ZNF521: variants seen among roughly 807,000 people sequenced by gnomAD.
The protein encoded by ZNF521 is zinc finger protein 521.
Under a neutral mutation model 105.5 loss-of-function variants are expected in ZNF521, and 14 were observed. That is an observed-to-expected ratio of 0.13 (90% CI 0.09 to 0.21). The LOEUF is 0.21. Ranked by LOEUF, ZNF521 falls within the 10% of genes least tolerant of loss-of-function variation. The probability of loss-of-function intolerance (pLI) is 1.00; values close to 1 mark genes in which losing one functional copy is unlikely to be tolerated. For missense variants in ZNF521, 1,233 were observed against 1,629.7 expected, an observed-to-expected ratio of 0.76 and a Z score of 4.19; for synonymous variants, 635 against 606.0, an observed-to-expected ratio of 1.05 and a Z score of -0.70.
At chr18:25,143,697 AAAC>A (rs1360824981) in intron 5 of ZNF521, among the ~76,000 whole-genome samples, 1 of 152,260 alleles carries the variant, frequency 6.6e-6, no homozygotes, top group African/African-American at 2.4e-5. Context: ...TTTAAAAAAG[AAAC>A]AACGTGTTTT....
intron 7 of ZNF521, among the ~76,000 whole-genome samples, chr18:25,073,802 G>A (rs1363044211): frequency 1.3e-5 from 2 of 151,682 alleles, no homozygotes; most frequent in East Asian, 3.9e-4. Context: ...TAAAAACACT[G>A]CCACACTCCC....
intron 5 of ZNF521, among the ~76,000 whole-genome samples, chr18:25,192,556 A>G (rs1270173335): frequency 1.3e-5 from 2 of 152,130 alleles, no homozygotes; most frequent in African/African-American, 2.4e-5. Flanking sequence ...CTTCCTCTAC[A>G]TTGATTGAAA....
intron 4 of ZNF521, among the ~76,000 whole-genome samples, chr18:25,220,165 G>A (rs1284913089): frequency 6.6e-6 from 1 of 152,234 alleles, no homozygotes; most frequent in Non-Finnish European, 1.5e-5. Context: ...AGGCAACCAG[G>A]AAGCCAGGAA....
chr18:25,275,150 G>A lies in ZNF521; in HGVS notation c.220+46858C>T, dbSNP rs528918529. Among the ~76,000 whole-genome samples the A allele has an allele frequency of 5.3e-5, 8 of 152,252 alleles. No homozygotes were observed. The South Asian group carries it at 1.0e-3, about 20-fold the overall frequency. ...AAAAATTTACAGTGGATTTCCTGCC[G>A]ATTTGTGGGGCCACTGGATCCTGCT... On this transcript the variant is annotated intron_variant, in intron 3 of 7. Coordinates refer to ENST00000361524, the MANE Select transcript of ZNF521 (RefSeq NM_015461.3).
At chr18:25,065,142 G>T (rs776833756) in intron 7 of ZNF521, among the ~76,000 whole-genome samples, 4 of 152,146 alleles carry the variant, frequency 2.6e-5, no homozygotes, top group African/African-American at 4.8e-5. Context: ...TATACCTTTT[G>T]CTATCTCAGA....
intron 5 of ZNF521, among the ~76,000 whole-genome samples, chr18:25,103,935 G>A (rs2034020824): frequency 6.6e-6 from 1 of 151,844 alleles, no homozygotes; most frequent in African/African-American, 2.4e-5. Flanking sequence ...GATGTCTCTG[G>A]GTATTTTTGC....
chr18:25,242,901 C>T (rs541019009), intron 3 of ZNF521, among the ~76,000 whole-genome samples: 1 of 152,284 alleles, frequency 6.6e-6, no homozygotes, highest in South Asian at 2.1e-4. Flanking sequence ...ATACGCAATG[C>T]CATCGTGTTA....
At position 25,062,650 on chromosome 18, in the gene ZNF521, G is replaced by T; in HGVS notation, c.*62C>A. 1 of 1,536,644 alleles carries T rather than the reference G, an allele frequency of 6.5e-7. No individual in the cohort carries two copies. Among genetic ancestry groups the T allele is most frequent in the South Asian group, 1.2e-5 (1 of 84,002 alleles). On this transcript the variant is annotated 3_prime_UTR_variant, in exon 8 of 8. Coordinates refer to ENST00000361524, the MANE Select transcript of ZNF521 (RefSeq NM_015461.3). ...ATTAACAATGAAAGTTTCGTGCAAA[G>T]AGTAAAACATGTTCCCTTTTTGTGC...
chr18:25,276,699 T>A (rs1466684834), intron 3 of ZNF521, among the ~76,000 whole-genome samples: 1 of 152,208 alleles, frequency 6.6e-6, no homozygotes, highest in Non-Finnish European at 1.5e-5. Flanking sequence ...AATTTTACAC[T>A]GCCCCTTCCA....
At chr18:25,188,068 G>C (rs989775103) in intron 5 of ZNF521, among the ~76,000 whole-genome samples, 15 of 152,000 alleles carry the variant, frequency 9.9e-5, no homozygotes, top group African/African-American at 3.6e-4. Flanking sequence ...ACAGAGTTGG[G>C]GTTAGAAGAA....
rs1206009159 is a variant in ZNF521, at chr18:25,089,602, GA to G, written c.3791-23del. ...AATACTGAAATGATAAAAGAATGAT[GA>G]ACTTGGGTTATTTTGTTTCCGAAAT... On this transcript the variant is annotated intron_variant, in intron 6 of 7. Transcript: ENST00000361524. 4 of 1,594,534 alleles carry G rather than the reference GA, an allele frequency of 2.5e-6. No individual in the cohort carries two copies. In the African/African-American group the frequency reaches 5.4e-5, roughly 21 times the overall value.
In ZNF521 at chr18:25,116,547, T is replaced by C. The variant is rs113337636; in HGVS notation, c.3659-24466A>G. ...TTGTGGAATGGGAGTGCCACTTGGA[T>C]TGGCAGAATAAACTCCTACTAGAGC... is the stretch of plus-strand genomic sequence containing the variant. On this transcript the variant is annotated intron_variant, in intron 5 of 7. Transcript: ENST00000361524. 3.3e-3 allele frequency among the ~76,000 whole-genome samples: 501 copies of C among 152,184 alleles called. 4 individuals are homozygous for C. Among genetic ancestry groups the C allele is most frequent in the African/African-American group, 0.012 (478 of 41,508 alleles).
At position 25,066,854 on chromosome 18, in the gene ZNF521, C is replaced by T. The variant is rs151139655; in HGVS notation, c.3907-4113G>A. ...TCTTTAGGTCCAGAGGAAACCACTACACTAGAACAAAGCAGTGGGTAATCT... is the reference window on the plus strand; with the variant it reads ...TCTTTAGGTCCAGAGGAAACCACTATACTAGAACAAAGCAGTGGGTAATCT... On this transcript the variant is annotated intron_variant, in intron 7 of 7. Coordinates refer to ENST00000361524, the MANE Select transcript of ZNF521 (RefSeq NM_015461.3). 5.5e-3 allele frequency among the ~76,000 whole-genome samples: 836 copies of T among 152,324 alleles called. 11 individuals are homozygous for T. Among genetic ancestry groups the T allele is most frequent in the African/African-American group, 0.019 (803 of 41,578 alleles).
At chr18:25,062,878 A>G in intron 7 of ZNF521, 137 bp from the exon 8 acceptor site, 1 of 858,068 alleles carries the variant, frequency 1.2e-6, no homozygotes. Flanking sequence ...GAACAGAACA[A>G]TGAGTTTCTG....
intron 5 of ZNF521, among the ~76,000 whole-genome samples, chr18:25,139,746 T>C (rs2034811389): frequency 1.3e-5 from 2 of 152,196 alleles, no homozygotes; most frequent in South Asian, 4.1e-4. Context: ...AATACAGCAC[T>C]AGGTCTTTGA....
intron 3 of ZNF521, among the ~76,000 whole-genome samples, chr18:25,301,777 G>A (rs916660337): frequency 6.6e-6 from 1 of 152,194 alleles, no homozygotes; most frequent in Non-Finnish European, 1.5e-5. Flanking sequence ...AGGAGGGGAT[G>A]TTTGCAGAGT....
At chr18:25,327,412 C>T in intron 2 of ZNF521, 1 of 1,160,292 alleles carries the variant, frequency 8.6e-7, no homozygotes, top group Non-Finnish European at 1.1e-6. Context: ...TCACAACTAG[C>T]CTTCTAGGTT....
intron 3 of ZNF521, among the ~76,000 whole-genome samples, chr18:25,304,682 A>G (rs1051186093): frequency 1.3e-5 from 2 of 152,056 alleles, no homozygotes; most frequent in Non-Finnish European, 2.9e-5. Context: ...TAATTTCCCA[A>G]TGATTACTCT....
At chr18:25,296,062 G>C (rs1911305281) in intron 3 of ZNF521, among the ~76,000 whole-genome samples, 2 of 152,186 alleles carry the variant, frequency 1.3e-5, no homozygotes, top group Admixed American at 6.5e-5. Flanking sequence ...AGACAACACA[G>C]AAATAGCTGA....
Sources: allele counts gnomAD v4.1 joint callset (sites outside exome capture counted in the v4.1 genomes callset), GRCh38; gene constraint gnomAD v4.1.1; transcripts MANE v1.5; gene names NCBI Gene and HGNC (gene_info 2026-07-23, HGNC 2026-07-21).